Variants in NFX1 observed in about 807,000 individuals in gnomAD.
NFX1 encodes the protein transcriptional repressor NF-X1.
A neutral mutation model predicts 137.2 loss-of-function variants in NFX1; 69 were observed. The observed-to-expected ratio is 0.50, with a 90% CI of 0.41 to 0.61. NFX1 has a LOEUF of 0.61. NFX1 is among the 20% of genes least tolerant of loss of function. The probability of loss-of-function intolerance (pLI) is 0.00; values close to 1 mark genes in which losing one functional copy is unlikely to be tolerated. For synonymous variants in NFX1, 495 were observed against 474.1 expected (o/e 1.04, Z -0.57); for missense variants, 1,167 against 1,391.0 (o/e 0.84, Z 2.56).
rs376458805 is a variant in NFX1 at position 33,351,709 on chromosome 9, C to A, written c.2574C>A (p.Thr858=). ...AGCCCTGCAAGCAGCCCTGCACCACCCCCAGAGCTGACTGTGGTCACCCGT... is the reference window on the plus strand; with the variant it reads ...AGCCCTGCAAGCAGCCCTGCACCACACCCAGAGCTGACTGTGGTCACCCGT... ...VDEPCKQPCT[T]PRADCGHPCM... Residue 858 remains threonine, a synonymous_variant, in exon 16 of 24, where the codon ACC becomes ACA. Transcript: ENST00000379540. The A allele has an allele frequency of 6.2e-7, 1 of 1,613,856 alleles. No individual in the cohort carries two copies. The highest frequency in any genetic ancestry group is 1.3e-5 in the African/African-American group (1 of 74,942).
intron 1 of NFX1, among the ~76,000 whole-genome samples, chr9:33,293,991 A>G (rs1377891632): frequency 2.6e-5 from 4 of 152,240 alleles, no homozygotes; most frequent in Admixed American, 2.0e-4. Flanking sequence ...GGACAGGTGG[A>G]CTTTAACCCA....
chr9:33,299,257 T>G (rs1821466084), intron 2 of NFX1, among the ~76,000 whole-genome samples: 1 of 152,236 alleles, frequency 6.6e-6, no homozygotes. Context: ...ATGTCCTTTT[T>G]CTGTTTGAGG....
intron 22 of NFX1, among the ~76,000 whole-genome samples, chr9:33,367,110 C>T (rs191681244): frequency 1.2e-4 from 18 of 152,330 alleles, no homozygotes; most frequent in Admixed American, 1.1e-3. Flanking sequence ...TCTGTCTGTC[C>T]TCTCCTTGGC....
chr9:33,354,188 G>T lies in NFX1; in HGVS notation c.2831+1G>T. 1 of 1,609,976 alleles carries T rather than the reference G, an allele frequency of 6.2e-7. No homozygotes were observed. Among genetic ancestry groups the T allele is most frequent in the Non-Finnish European group, 8.5e-7 (1 of 1,178,524 alleles). On this transcript the variant is annotated splice_donor_variant, in intron 18 of 23. Transcript: ENST00000379540. LOFTEE classifies it high-confidence loss of function. ...CCAAAAAGGAAGTTCATCAAGCCAG[G>T]TAATTTTTAAAATGCATATATGTGC...
chr9:33,353,988 C>T (rs1823731015), intron 17 of NFX1, 98 bp from the exon 18 acceptor site: 1 of 1,130,326 alleles, frequency 8.8e-7, no homozygotes, highest in Non-Finnish European at 1.2e-6. Context: ...CCACACCTGG[C>T]CTAGATTTGC....
intron 9 of NFX1, among the ~76,000 whole-genome samples, chr9:33,323,760 A>C (rs12344981): frequency 0.059 from 8,886 of 151,304 alleles, 524 homozygotes; most frequent in African/African-American, 0.16. Context: ...CTCAAAAAAA[A>C]AAACAAACAA....
At chr9:33,333,821 G>A (rs1307415423) in intron 11 of NFX1, among the ~76,000 whole-genome samples, 1 of 152,092 alleles carries the variant, frequency 6.6e-6, no homozygotes, top group African/African-American at 2.4e-5. Context: ...TGTGCCATCT[G>A]TATCAAGGAA....
At chr9:33,290,618 G>A (rs200008052) in intron 1 of NFX1, 21 bp downstream of exon 1, 4 of 1,602,100 alleles carry the variant, frequency 2.5e-6, no homozygotes, top group African/African-American at 2.7e-5. Flanking sequence ...GGCCCGAGCG[G>A]GACTGGGCCC....
intron 19 of NFX1, among the ~76,000 whole-genome samples, chr9:33,355,738 G>A (rs1195329262): frequency 4.0e-5 from 6 of 149,694 alleles, no homozygotes; most frequent in East Asian, 4.0e-4. Context: ...TCTGCCTCCC[G>A]GGTTCAAGCG....
At chr9:33,347,794 A>G in intron 15 of NFX1, 2 of 286,958 alleles carry the variant, frequency 7.0e-6, no homozygotes, top group East Asian at 1.1e-4. Flanking sequence ...CCCATCAGTC[A>G]ACAAGTGGAT....
chr9:33,335,221 CTTTTTCTTTTTTT>C (rs1254332966), intron 11 of NFX1, among the ~76,000 whole-genome samples: 1 of 143,280 alleles, frequency 7.0e-6, no homozygotes, highest in African/African-American at 2.7e-5. Flanking sequence ...TTTTATCTTT[CTTTTTCTTTTTTT>C]TTTTTTTTTT....
chr9:33,331,998 C>T (rs1440571752), intron 10 of NFX1, among the ~76,000 whole-genome samples: 1 of 152,192 alleles, frequency 6.6e-6, no homozygotes, highest in Non-Finnish European at 1.5e-5. Context: ...TTTCACTTTG[C>T]TGTAGTTTTG....
intron 5 of NFX1, among the ~76,000 whole-genome samples, chr9:33,310,885 C>G (rs1466611287): frequency 2.0e-5 from 3 of 152,186 alleles, no homozygotes; most frequent in Non-Finnish European, 4.4e-5. Flanking sequence ...GGATTTACTT[C>G]TGTGGTTAAA....
At position 33,370,081 on chromosome 9, in the gene NFX1, G is replaced by A; in HGVS notation, c.*103G>A. On this transcript the variant is annotated 3_prime_UTR_variant, in exon 24 of 24. Transcript: ENST00000379540. ...TTCCCCTCTGCCTGGCAGAATCACA[G>A]TCTCACATACTGTCTTGTACTGACA... The A allele has an allele frequency of 1.2e-6, 1 of 837,314 alleles. No individual in the cohort carries two copies. Among genetic ancestry groups the A allele is most frequent in the Non-Finnish European group, 2.0e-6 (1 of 507,066 alleles). The allele number at this position is 837,314 out of a possible 1,614,324, so 51.9% of individuals were successfully genotyped here.
At chr9:33,354,745 C>A in intron 18 of NFX1, 106 bp from the exon 19 acceptor site, 2 of 1,068,898 alleles carry the variant, frequency 1.9e-6, no homozygotes, top group Non-Finnish European at 2.6e-6. Flanking sequence ...TGTTTTTTGG[C>A]AAGAGTCAGC....
At position 33,352,514 on chromosome 9, in the gene NFX1, C is replaced by G; in HGVS notation, c.2656-132C>G. The G allele has an allele frequency of 5.2e-6, 4 of 766,578 alleles. No homozygotes were observed. The South Asian group carries it at 5.8e-5, about 11-fold the overall frequency. 47.5% of individuals were successfully genotyped at this position (766,578 alleles called of 1,614,324 possible). ...AGTTTGCATGTGTGGTTAGCTTCTT[C>G]CAGCTTGGAGAGTGGCCACCCACTG... On this transcript the variant is annotated intron_variant, in intron 16 of 23. Transcript: ENST00000379540.
At position 33,344,066 on chromosome 9, in the gene NFX1, C is replaced by T. The variant is rs776544249; in HGVS notation, c.2225-3C>T. ...TCTTTTGTTTTACCTGCTGCTCCAC[C>T]AGGTTTTGATGAATTAACCTGCCAT... On this transcript the variant is annotated splice_region_variant and splice_polypyrimidine_tract_variant and intron_variant, in intron 13 of 23. Coordinates refer to ENST00000379540, the MANE Select transcript of NFX1 (RefSeq NM_002504.6). The T allele has an allele frequency of 1.2e-6, 2 of 1,613,866 alleles. No individual in the cohort carries two copies. Among genetic ancestry groups the T allele is most frequent in the Non-Finnish European group, 1.7e-6 (2 of 1,179,838 alleles).
intron 2 of NFX1, among the ~76,000 whole-genome samples, chr9:33,296,460 G>C (rs1821359032): frequency 6.6e-6 from 1 of 152,204 alleles, no homozygotes; most frequent in Admixed American, 6.5e-5. Context: ...AGGCATGGTG[G>C]CTCACACCTG....
At chr9:33,326,863 G>A (rs992611248) in intron 9 of NFX1, among the ~76,000 whole-genome samples, 1 of 152,054 alleles carries the variant, frequency 6.6e-6, no homozygotes, top group Non-Finnish European at 1.5e-5. Flanking sequence ...CTGCACAAAA[G>A]GGGAGAAGAA....
Sources: gnomAD v4.1 joint callset for allele counts (sites outside exome capture counted in the v4.1 genomes callset) on GRCh38, gnomAD v4.1.1 for gene constraint, MANE v1.5 for transcripts, NCBI Gene and HGNC (gene_info 2026-07-23, HGNC 2026-07-21) for gene names.